TMEM184A: variants seen among roughly 807,000 people sequenced by gnomAD.
The protein encoded by TMEM184A is transmembrane protein 184A.
In TMEM184A, 40 loss-of-function variants were observed where a neutral mutation model predicts 39.5. That is an observed-to-expected ratio of 1.01 (90% confidence interval 0.79 to 1.32). The LOEUF (loss-of-function observed/expected upper bound fraction) is 1.32, where lower values mean the gene tolerates loss of function less well. Among genes scored for constraint, TMEM184A ranks in the 40% most tolerant of loss-of-function variants. TMEM184A has a pLI of 0.00. For missense variants in TMEM184A, 603 were observed against 568.8 expected (o/e 1.06, Z -0.61); for synonymous variants, 280 against 252.3 (o/e 1.11, Z -1.04).
In TMEM184A at chr7:1,550,859, G is replaced by A; in HGVS notation, c.343C>T (p.Gln115Ter). 1 of 1,613,596 alleles carries A rather than the reference G, an allele frequency of 6.2e-7. No individual in the cohort carries two copies. Among genetic ancestry groups the A allele is most frequent in the Non-Finnish European group, 8.5e-7 (1 of 1,179,976 alleles). ...WLSLLLLGDH[Q>*]YYVYFDSVRD... ...ACAGAGTCGAAGTAGACGTAGTACT[G>A]GTGGTCTCCGAGGAGGAGGAGGCTG... The change falls in exon 3 of 9, where the codon CAG (glutamine) becomes TAG (stop). Residue 115 changes from glutamine to a stop codon, truncating the protein, a stop_gained. Transcript: ENST00000297477. LOFTEE classifies it high-confidence loss of function.
Position 1,548,570 on chromosome 7 carries a change from CG to C in TMEM184A, c.762del (p.Val255SerfsTer100), listed in dbSNP as rs765816370. 15 of 1,613,590 alleles carry C rather than the reference CG, an allele frequency of 9.3e-6. No homozygotes were observed. The highest frequency in any genetic ancestry group is 1.3e-5 in the Non-Finnish European group (15 of 1,179,948). ...GCTTTGATGGTGAGGAACTTGAGGA[CG>C]GGCTGGAAGGGCCGCAGGAGCTCCC... ...TTRELLRPFQ[P>X]VLKFLTIKAV... On this transcript the variant is annotated frameshift_variant, in exon 7 of 9. Coordinates refer to ENST00000297477, the MANE Select transcript of TMEM184A (RefSeq NM_001097620.2). LOFTEE classifies it high-confidence loss of function.
At chr7:1,549,800 C>T (rs963081792) in intron 6 of TMEM184A, 54 bp downstream of exon 6, 63 of 1,510,558 alleles carry the variant, frequency 4.2e-5, no homozygotes, top group Non-Finnish European at 5.5e-5. Context: ...CTCCCGGGCC[C>T]CGGGGGACCC....
chr7:1,551,069 G>T, intron 2 of TMEM184A, 87 bp from the exon 3 acceptor site: 6 of 1,425,012 alleles, frequency 4.2e-6, no homozygotes, highest in Admixed American at 2.2e-5. Context: ...GTGGGGGTGG[G>T]TGCAGGAGGG....
chr7:1,552,526 T>C lies in TMEM184A; in HGVS notation c.220-1544A>G, dbSNP rs539402882. 1.4e-3 allele frequency among the ~76,000 whole-genome samples: 194 copies of C among 142,748 alleles called. 1 individual carries two copies. The highest frequency in any genetic ancestry group is 5.0e-3 in the African/African-American group (186 of 37,282). 93.6% of individuals were successfully genotyped at this position (142,748 alleles called of 152,430 possible). A position where few individuals can be genotyped will look rare whatever the true frequency, so the allele number is the denominator to read the frequency against. ...ACAATAGGTTTTTTTTTTTTTTTTT[T>C]CTGAATAAGTTCCTTGGGCATGAGT... is the stretch of plus-strand genomic sequence containing the variant. On this transcript the variant is annotated intron_variant, in intron 2 of 8. Transcript: ENST00000297477.
intron 6 of TMEM184A, chr7:1,549,080 G>A (rs929070712): frequency 8.3e-6 from 4 of 484,212 alleles, no homozygotes; most frequent in African/African-American, 7.8e-5. Flanking sequence ...CCGTGTGAGT[G>A]TGTGCACATA....
In TMEM184A at chr7:1,555,724, C is replaced by A. The variant is rs952623364; in HGVS notation, c.1-240G>T. 6.6e-6 allele frequency among the ~76,000 whole-genome samples: 1 copy of A among 152,218 alleles called. No individual in the cohort carries two copies. Among genetic ancestry groups the A allele is most frequent in the Admixed American group, 6.5e-5 (1 of 15,284 alleles). ...ACCTGAGGGTCCCACCTCAATTCCC[C>A]CTTGTAAAACCAGCTTCCAACTCCG... On this transcript the variant is annotated intron_variant, in intron 1 of 8. Coordinates refer to ENST00000297477, the MANE Select transcript of TMEM184A (RefSeq NM_001097620.2). The surrounding 1 kb of genome is among the most constrained non-coding windows in gnomAD (Gnocchi z 5.2).
rs1484727613 is a variant in TMEM184A, at chr7:1,555,539, C to T, written c.1-55G>A. 7.0e-7 allele frequency: 1 copy of T among 1,425,456 alleles called. No homozygotes were observed. The highest frequency in any genetic ancestry group is 9.8e-7 in the Non-Finnish European group (1 of 1,023,988). 88.3% of individuals were successfully genotyped at this position (1,425,456 alleles called of 1,614,324 possible). A position where few individuals can be genotyped will look rare whatever the true frequency, so the allele number is the denominator to read the frequency against. On this transcript the variant is annotated intron_variant, in intron 1 of 8. Transcript: ENST00000297477. This position sits in a 1 kb window ranked among gnomAD's most constrained non-coding sequence, Gnocchi z 5.2. ...AGGAGTGAGGGCAAAGGTACTGGCT[C>T]CCGGCAGCAGGAAGCAGCGGGGGAG...
In TMEM184A at chr7:1,547,810, A is replaced by T; in HGVS notation, c.944T>A (p.Phe315Tyr). The change falls in exon 8 of 9, where the codon TTC (phenylalanine) becomes TAC (tyrosine). Residue 315 changes from phenylalanine to tyrosine, a missense_variant. Physicochemically the swap from Phe to Tyr is conservative, Grantham distance 22. Transcript: ENST00000297477. ...GGCATAACGCAGGGCCACGGAGGCGAACAGCATCTCCACGCAGATGATGAA... is the reference window on the plus strand; with the variant it reads ...GGCATAACGCAGGGCCACGGAGGCGTACAGCATCTCCACGCAGATGATGAA... The part of the protein sequence containing the change: ...QNFIICVEML[F>Y]ASVALRYAFP... 2 of 1,612,858 alleles carry T rather than the reference A, an allele frequency of 1.2e-6. No individual in the cohort carries two copies. Among genetic ancestry groups the T allele is most frequent in the Non-Finnish European group, 1.7e-6 (2 of 1,179,862 alleles).
intron 6 of TMEM184A, chr7:1,549,013 C>T (rs763735088): frequency 1.8e-5 from 10 of 541,054 alleles, no homozygotes; most frequent in African/African-American, 3.8e-5. Flanking sequence ...CTCCCAACCC[C>T]GTCCACCTGG....
rs892741500 is a variant in TMEM184A, at chr7:1,546,681, T to C, written c.*271A>G. 4 of 415,188 alleles carry C rather than the reference T, an allele frequency of 9.6e-6. No individual in the cohort carries two copies. Among genetic ancestry groups the C allele is most frequent in the Non-Finnish European group, 1.3e-5 (3 of 233,828 alleles). 25.7% of individuals were successfully genotyped at this position (415,188 alleles called of 1,614,324 possible). A position where few individuals can be genotyped will look rare whatever the true frequency, so the allele number is the denominator to read the frequency against. ...GCCCCACAGTGGCTCCTGGGGCTGA[T>C]GGCTGGGTGATCCCAGGGGGTCCCC... On this transcript the variant is annotated 3_prime_UTR_variant, in exon 9 of 9. Coordinates refer to ENST00000297477, the MANE Select transcript of TMEM184A (RefSeq NM_001097620.2).
rs770515444 is a variant in TMEM184A, at chr7:1,550,959, G to A, written c.243C>T (p.Tyr81=). Residue 81 remains tyrosine, a synonymous_variant, in exon 3 of 9, where the codon TAC becomes TAT. Transcript: ENST00000297477. ...TGTAACGTTGCTCCTGTGGCACGGT[G>A]TAGGAGCGCAGGTGCAGATAGATCT... ...CHQIYLHLRS[Y]TVPQEQRYII... 8.1e-6 allele frequency: 13 copies of A among 1,613,226 alleles called. No homozygotes were observed. In the South Asian group the frequency reaches 1.1e-4, roughly 14 times the overall value.
chr7:1,555,395 TGGCACAGCC>T lies in TMEM184A; in HGVS notation c.81_89del (p.Val29_Ala31del), dbSNP rs1438871137. 3.1e-6 allele frequency: 5 copies of T among 1,611,592 alleles called. No homozygotes were observed. The highest frequency in any genetic ancestry group is 4.2e-6 in the Non-Finnish European group (5 of 1,179,558). ...CCATGTGGTCCATCTGCGGCCCAGCTGGCACAGCCGGTGGGGGGCTGGGCTGCGGCCAGT... is the reference window on the plus strand; with the variant it reads ...CCATGTGGTCCATCTGCGGCCCAGCTGGTGGGGGGCTGGGCTGCGGCCAGT... On this transcript the variant is annotated inframe_deletion, in exon 2 of 9. Coordinates refer to ENST00000297477, the MANE Select transcript of TMEM184A (RefSeq NM_001097620.2). This position sits in a 1 kb window ranked among gnomAD's most constrained non-coding sequence, Gnocchi z 5.2.
In TMEM184A at chr7:1,555,186, C is replaced by G; in HGVS notation, c.219+80G>C. 2 of 1,242,900 alleles carry G rather than the reference C, an allele frequency of 1.6e-6. No homozygotes were observed. Among genetic ancestry groups the G allele is most frequent in the Non-Finnish European group, 2.2e-6 (2 of 907,000 alleles). 77.0% of individuals were successfully genotyped at this position (1,242,900 alleles called of 1,614,324 possible). ...CTGACAGCGTCTATAGCAGCGGCAC[C>G]CAGGGGGACCGGGCTGAGCCACGGC... is the stretch of plus-strand genomic sequence containing the variant. On this transcript the variant is annotated intron_variant, in intron 2 of 8. Transcript: ENST00000297477. The surrounding 1 kb of genome is among the most constrained non-coding windows in gnomAD (Gnocchi z 5.2).
At chr7:1,548,913 G>C (rs3814482) in intron 6 of TMEM184A, 1 of 682,958 alleles carries the variant, frequency 1.5e-6, no homozygotes, top group Non-Finnish European at 2.7e-6. Flanking sequence ...CAGGGACGTG[G>C]CCGTTCTCCC....
At position 1,556,131 on chromosome 7, in the gene TMEM184A, A is replaced by C; in HGVS notation, c.-18T>G. 6.5e-6 allele frequency: 1 copy of C among 153,598 alleles called. No homozygotes were observed. The highest frequency in any genetic ancestry group is 1.4e-5 in the Non-Finnish European group (1 of 69,074). 9.5% of individuals were successfully genotyped at this position (153,598 alleles called of 1,614,324 possible). On this transcript the variant is annotated 5_prime_UTR_variant, in exon 1 of 9. Transcript: ENST00000297477. The stretch of plus-strand genomic sequence containing the variant: ...AGCTCTACCTTTGCTGGCAGGAAGC[A>C]CCTGGCCCAGTCCAGGGAGGCCTGG...
At chr7:1,554,222 A>C (rs187443963) in intron 2 of TMEM184A, among the ~76,000 whole-genome samples, 2 of 152,238 alleles carry the variant, frequency 1.3e-5, no homozygotes, top group South Asian at 2.1e-4. Context: ...GCAGGCCCCC[A>C]TGCCCGGCTA....
intron 2 of TMEM184A, among the ~76,000 whole-genome samples, chr7:1,554,336 A>G (rs956662219): frequency 2.6e-5 from 4 of 151,302 alleles, no homozygotes; most frequent in Admixed American, 2.0e-4. Flanking sequence ...CAGCTCACCT[A>G]CAGATCCATT....
rs4725207 is a variant in TMEM184A, at chr7:1,545,607, C to G, written c.*1345G>C. On this transcript the variant is annotated 3_prime_UTR_variant, in exon 9 of 9. Transcript: ENST00000297477. ...CCCAGCCCCCACCCAACCTGTGCTG[C>G]GGGCCCCAGACACACAGAACTGACT... 6.6e-6 allele frequency: 1 copy of G among 152,536 alleles called. No individual in the cohort carries two copies. The highest frequency in any genetic ancestry group is 1.5e-5 in the Non-Finnish European group (1 of 68,252). 9.4% of individuals were successfully genotyped at this position (152,536 alleles called of 1,614,324 possible). A position where few individuals can be genotyped will look rare whatever the true frequency, so the allele number is the denominator to read the frequency against.
At position 1,544,751 on chromosome 7, in the gene TMEM184A, AGCCGGCT is replaced by A. The variant is rs1784290697; in HGVS notation, c.*2194_*2200del. 6.6e-6 allele frequency: 1 copy of A among 152,156 alleles called. No homozygotes were observed. Among genetic ancestry groups the A allele is most frequent in the Admixed American group, 6.5e-5 (1 of 15,274 alleles). The allele number at this position is 152,156 out of a possible 1,614,324, so 9.4% of individuals were successfully genotyped here. A position where few individuals can be genotyped will look rare whatever the true frequency, so the allele number is the denominator to read the frequency against. On this transcript the variant is annotated 3_prime_UTR_variant, in exon 9 of 9. Coordinates refer to ENST00000297477, the MANE Select transcript of TMEM184A (RefSeq NM_001097620.2). The stretch of plus-strand genomic sequence containing the variant: ...CAGGGAGGAGAGAGGGCCTCTGTGG[AGCCGGCT>A]GCCTGGTGTCCAAGTCCCTGCTCTG...
Sources: allele counts gnomAD v4.1 joint callset (sites outside exome capture counted in the v4.1 genomes callset), GRCh38; gene constraint gnomAD v4.1.1; non-coding constraint Gnocchi (gnomAD v3.1); transcripts MANE v1.5; gene names NCBI Gene and HGNC (gene_info 2026-07-23, HGNC 2026-07-21).